Variants in DOCK3 observed in about 807,000 individuals in gnomAD.
The protein encoded by DOCK3 is dedicator of cytokinesis protein 3.
Under a neutral mutation model 265.6 loss-of-function variants are expected in DOCK3, and 60 were observed. The ratio of observed to expected loss-of-function variants is 0.23; its 90% CI spans 0.18 to 0.28. The LOEUF (loss-of-function observed/expected upper bound fraction) is 0.28, where lower values mean the gene tolerates loss of function less well. Among genes scored for constraint, DOCK3 ranks in the 10% least tolerant of loss-of-function variants. The probability of loss-of-function intolerance (pLI) is 1.00; values close to 1 mark genes in which losing one functional copy is unlikely to be tolerated. For missense variants in DOCK3, 1,981 were observed against 2,594.3 expected (o/e 0.76, Z 5.14); for synonymous variants, 881 against 938.0 (o/e 0.94, Z 1.11).
chr3:51,265,647 A>G (rs2080121301), intron 23 of DOCK3, among the ~76,000 whole-genome samples: 1 of 152,234 alleles, frequency 6.6e-6, no homozygotes, highest in Admixed American at 6.5e-5. Flanking sequence ...ATAAAATTCA[A>G]CATCACTTCA....
At chr3:50,755,789 T>C (rs1201287540) in intron 1 of DOCK3, among the ~76,000 whole-genome samples, 2 of 152,208 alleles carry the variant, frequency 1.3e-5, no homozygotes, top group Non-Finnish European at 1.5e-5. Context: ...ATGGCTTCTT[T>C]TACTTAGCAT....
At position 50,953,708 on chromosome 3, in the gene DOCK3, T is replaced by G. The variant is rs575806220; in HGVS notation, c.315+19631T>G. Among the ~76,000 whole-genome samples the G allele has an allele frequency of 7.9e-5, 12 of 152,274 alleles. No individual in the cohort carries two copies. The Middle Eastern group carries it at 0.014, about 173-fold the overall frequency. ...GTTCGTCTGACTATTGTCATATTCT[T>G]TAATTCTCAGCTAAAATTTCACCTC... On this transcript the variant is annotated intron_variant, in intron 5 of 52. Coordinates refer to ENST00000266037, the MANE Select transcript of DOCK3 (RefSeq NM_004947.5).
At chr3:51,111,412 C>T (rs183091178) in intron 9 of DOCK3, among the ~76,000 whole-genome samples, 1 of 152,196 alleles carries the variant, frequency 6.6e-6, no homozygotes, top group Admixed American at 6.5e-5. Flanking sequence ...AATAGAGAGA[C>T]CAGAAATAAG....
chr3:50,920,082 G>A (rs776796475), intron 4 of DOCK3, among the ~76,000 whole-genome samples: 1 of 152,190 alleles, frequency 6.6e-6, no homozygotes, highest in Non-Finnish European at 1.5e-5. Context: ...AACCAGCCTT[G>A]CATCCCAGGG....
intron 4 of DOCK3, among the ~76,000 whole-genome samples, chr3:50,928,310 C>G (rs138098029): frequency 1.3e-3 from 192 of 152,154 alleles, no homozygotes; most frequent in Non-Finnish European, 2.3e-3. Context: ...CCCCATTCTC[C>G]CTCTACCCAG....
rs920567083 is a variant in DOCK3, at chr3:51,237,721, T to A, written c.2102+131T>A. Reference sequence around the variant, plus strand: ...AAAAATTTTATATTTTTAATTGTGATAAAATACACATAACACAAAATTGAC... The same window carrying A: ...AAAAATTTTATATTTTTAATTGTGAAAAAATACACATAACACAAAATTGAC... On this transcript the variant is annotated intron_variant, in intron 21 of 52. Coordinates refer to ENST00000266037, the MANE Select transcript of DOCK3 (RefSeq NM_004947.5). 5 of 777,320 alleles carry A rather than the reference T, an allele frequency of 6.4e-6. No individual in the cohort carries two copies. In the African/African-American group the frequency reaches 8.8e-5, roughly 14 times the overall value. The allele number at this position is 777,320 out of a possible 1,614,324, so 48.2% of individuals were successfully genotyped here.
chr3:51,008,607 A>C (rs1169319434), intron 5 of DOCK3, among the ~76,000 whole-genome samples: 1 of 152,146 alleles, frequency 6.6e-6, no homozygotes, highest in African/African-American at 2.4e-5. Context: ...TTCCTAATTC[A>C]ATACCCTTTA....
chr3:50,832,872 G>C (rs2045274948), intron 2 of DOCK3, among the ~76,000 whole-genome samples: 1 of 152,078 alleles, frequency 6.6e-6, no homozygotes, highest in Admixed American at 6.6e-5. Context: ...GGTTTGTCGA[G>C]GGCCGTTCAT....
chr3:50,826,840 C>T (rs1360515936), intron 2 of DOCK3, among the ~76,000 whole-genome samples: 1 of 152,034 alleles, frequency 6.6e-6, no homozygotes. Context: ...AGTAAAAAGA[C>T]AAAGTCGTTG....
intron 9 of DOCK3, among the ~76,000 whole-genome samples, chr3:51,144,144 A>G (rs1197138417): frequency 3.3e-5 from 5 of 152,186 alleles, no homozygotes; most frequent in South Asian, 4.1e-4. Flanking sequence ...TTAATTGACT[A>G]TGTGTATGTG....
intron 4 of DOCK3, among the ~76,000 whole-genome samples, chr3:50,906,878 C>T (rs1271882211): frequency 6.6e-6 from 1 of 152,044 alleles, no homozygotes; most frequent in Non-Finnish European, 1.5e-5. Context: ...TTCCTGTTTT[C>T]TTTTGTGGGC....
intron 9 of DOCK3, among the ~76,000 whole-genome samples, chr3:51,129,495 G>T (rs559718315): frequency 7.2e-5 from 11 of 152,150 alleles, no homozygotes; most frequent in Admixed American, 1.3e-4. Flanking sequence ...ACCTGCTCAA[G>T]CCTGATCATG....
intron 10 of DOCK3, among the ~76,000 whole-genome samples, chr3:51,151,527 A>G (rs1465103288): frequency 6.6e-6 from 1 of 152,118 alleles, no homozygotes; most frequent in African/African-American, 2.4e-5. Flanking sequence ...TAGATATTTG[A>G]TCTTGTCATT....
chr3:50,716,685 A>AT (rs1296743720), intron 1 of DOCK3, among the ~76,000 whole-genome samples: 1 of 151,346 alleles, frequency 6.6e-6, no homozygotes, highest in African/African-American at 2.4e-5. Flanking sequence ...TACTTTTAAG[A>AT]TTTTTTTATT....
chr3:50,816,226 C>G (rs986144736), intron 2 of DOCK3, among the ~76,000 whole-genome samples: 1 of 151,662 alleles, frequency 6.6e-6, no homozygotes, highest in Admixed American at 6.6e-5. Context: ...GTGTTGAATA[C>G]TCAGTCTGGA....
intron 30 of DOCK3, 44 bp downstream of exon 30, chr3:51,312,620 A>G: frequency 1.3e-6 from 2 of 1,507,210 alleles, no homozygotes; most frequent in South Asian, 1.3e-5. Context: ...ACTTGGCCAA[A>G]TAGGGCTATG....
At chr3:51,380,404 G>A (rs2088528065) in intron 52 of DOCK3, among the ~76,000 whole-genome samples, 197 bp downstream of exon 52, 1 of 152,218 alleles carries the variant, frequency 6.6e-6, no homozygotes, top group South Asian at 2.1e-4. Context: ...ATGTGATGGG[G>A]GCAGGGAGAT....
At chr3:51,251,869 G>T (rs910274623) in intron 22 of DOCK3, among the ~76,000 whole-genome samples, 1 of 152,182 alleles carries the variant, frequency 6.6e-6, no homozygotes, top group Admixed American at 6.5e-5. Flanking sequence ...AGTTTAATTA[G>T]ATCCCATTGG....
At chr3:50,953,598 A>T (rs577175705) in intron 5 of DOCK3, among the ~76,000 whole-genome samples, 1 of 152,298 alleles carries the variant, frequency 6.6e-6, no homozygotes, top group Non-Finnish European at 1.5e-5. Flanking sequence ...TTCCTTAGGA[A>T]ATACAATAAA....
Sources: gnomAD v4.1 joint callset for allele counts (sites outside exome capture counted in the v4.1 genomes callset) on GRCh38, gnomAD v4.1.1 for gene constraint, MANE v1.5 for transcripts, NCBI Gene and HGNC (gene_info 2026-07-23, HGNC 2026-07-21) for gene names.